The following SDK1 variants were observed in gnomAD, a reference collection of about 807,000 sequenced individuals.
SDK1 encodes the protein sidekick cell adhesion molecule 1, also known as protein sidekick-1.
Under a neutral mutation model 245.5 loss-of-function variants are expected in SDK1, and 157 were observed. The ratio of observed to expected loss-of-function variants is 0.64; its 90% CI spans 0.56 to 0.73. The LOEUF (loss-of-function observed/expected upper bound fraction) is 0.73. Among genes scored for constraint, SDK1 ranks in the 30% least tolerant of loss-of-function variants. SDK1 has a pLI of 0.00. For missense variants in SDK1, 3,583 were observed against 3,002.3 expected, an observed-to-expected ratio of 1.19 and a Z score of -4.52; for synonymous variants, 1,647 against 1,278.5, an observed-to-expected ratio of 1.29 and a Z score of -6.15.
At chr7:4,046,087 C>A (rs1250379719) in intron 17 of SDK1, among the ~76,000 whole-genome samples, 1 of 150,976 alleles carries the variant, frequency 6.6e-6, no homozygotes, top group East Asian at 1.9e-4. Context: ...CACTACCACA[C>A]CCAGCTGATT....
At chr7:3,937,681 G>T (rs1050808698) in intron 5 of SDK1, among the ~76,000 whole-genome samples, 1 of 152,184 alleles carries the variant, frequency 6.6e-6, no homozygotes, top group South Asian at 2.1e-4. Context: ...AGCTCCTGCA[G>T]TTTGGGTCGA....
chr7:3,494,141 C>T (rs565798926), intron 1 of SDK1, among the ~76,000 whole-genome samples: 3 of 152,148 alleles, frequency 2.0e-5, no homozygotes, highest in Non-Finnish European at 2.9e-5. Flanking sequence ...TCCCTCCTCC[C>T]CACTGCCCCA....
intron 1 of SDK1, among the ~76,000 whole-genome samples, chr7:3,441,459 T>C (rs1176314932): frequency 2.0e-5 from 3 of 152,218 alleles, no homozygotes; most frequent in Non-Finnish European, 4.4e-5. Flanking sequence ...GCACCATTTG[T>C]TGAAAAGGCT....
intron 1 of SDK1, among the ~76,000 whole-genome samples, chr7:3,575,300 C>G (rs1295798441): frequency 6.6e-6 from 1 of 151,970 alleles, no homozygotes; most frequent in Non-Finnish European, 1.5e-5. Context: ...TCTCTGGTGT[C>G]TCTTCTTGTA....
intron 4 of SDK1, among the ~76,000 whole-genome samples, chr7:3,741,819 C>A (rs1779482836): frequency 6.6e-6 from 1 of 152,060 alleles, no homozygotes; most frequent in Non-Finnish European, 1.5e-5. Flanking sequence ...CACATTCACA[C>A]ACACACACAT....
In SDK1 at chr7:3,641,944, C is replaced by A. The variant is rs1415097763; in HGVS notation, c.566-14C>A. ...TGTTTTCTAGAACTTGAAAGCACTT[C>A]TTTTTCTCTGCAGATATGGGAAGTT... is the stretch of plus-strand genomic sequence containing the variant. On this transcript the variant is annotated splice_polypyrimidine_tract_variant and intron_variant, in intron 3 of 44. Coordinates refer to ENST00000404826, the MANE Select transcript of SDK1 (RefSeq NM_152744.4). 4.4e-6 allele frequency: 7 copies of A among 1,607,040 alleles called. No individual in the cohort carries two copies. Among genetic ancestry groups the A allele is most frequent in the Non-Finnish European group, 5.9e-6 (7 of 1,176,980 alleles).
chr7:3,935,245 C>A (rs1283339428), intron 5 of SDK1, among the ~76,000 whole-genome samples: 1 of 152,162 alleles, frequency 6.6e-6, no homozygotes, highest in Non-Finnish European at 1.5e-5. Flanking sequence ...ACACCTGACA[C>A]CGTGTACAAA....
intron 28 of SDK1, among the ~76,000 whole-genome samples, chr7:4,145,412 G>A (rs1045986351): frequency 6.6e-6 from 1 of 152,182 alleles, no homozygotes; most frequent in African/African-American, 2.4e-5. Context: ...CAGCCCTCTG[G>A]GGAGCAGGGA....
At chr7:4,259,883 T>C (rs12701516) in intron 44 of SDK1, among the ~76,000 whole-genome samples, 45 of 152,086 alleles carry the variant, frequency 3.0e-4, no homozygotes, top group African/African-American at 1.0e-3. Context: ...GGAGCTCAGG[T>C]GCAGGCTCCC....
At chr7:3,765,675 T>C (rs760594919) in intron 4 of SDK1, among the ~76,000 whole-genome samples, 11 of 152,210 alleles carry the variant, frequency 7.2e-5, no homozygotes, top group Non-Finnish European at 1.5e-4. Flanking sequence ...ATGCTTTCAG[T>C]GTAGTCAGCC....
chr7:3,729,471 A>G (rs568037241), intron 4 of SDK1, among the ~76,000 whole-genome samples: 2 of 152,298 alleles, frequency 1.3e-5, no homozygotes, highest in Admixed American at 1.3e-4. Context: ...CACATTTGCC[A>G]TCTTGTGAGT....
At chr7:4,192,405 A>G (rs2128222912) in intron 35 of SDK1, among the ~76,000 whole-genome samples, 1 of 152,210 alleles carries the variant, frequency 6.6e-6, no homozygotes, top group East Asian at 1.9e-4. Flanking sequence ...CCTCCCAAGT[A>G]GCTGGGACTA....
intron 4 of SDK1, among the ~76,000 whole-genome samples, chr7:3,723,933 TATATATATATAGAGAGAG>T (rs1562397717): frequency 5.0e-5 from 6 of 119,820 alleles, no homozygotes; most frequent in African/African-American, 1.6e-4. Context: ...CGTATATATA[TATATATATATAGAGAGAG>T]AGAGAGAGAG....
At chr7:3,586,311 G>A (rs957213107) in intron 1 of SDK1, among the ~76,000 whole-genome samples, 1 of 152,086 alleles carries the variant, frequency 6.6e-6, no homozygotes, top group Non-Finnish European at 1.5e-5. Context: ...ATGAGTGGGA[G>A]GAAGTGCACC....
intron 4 of SDK1, among the ~76,000 whole-genome samples, chr7:3,661,484 A>T (rs373254822): frequency 1.3e-5 from 2 of 152,160 alleles, no homozygotes; most frequent in Non-Finnish European, 2.9e-5. Flanking sequence ...ATCACACGCT[A>T]TATGAATTTA....
intron 13 of SDK1, among the ~76,000 whole-genome samples, chr7:3,975,863 C>T (rs917768452): frequency 6.6e-6 from 1 of 152,160 alleles, no homozygotes; most frequent in African/African-American, 2.4e-5. Context: ...CAGCCGGCGG[C>T]AGTGGTGCGG....
intron 1 of SDK1, among the ~76,000 whole-genome samples, chr7:3,381,477 C>T (rs1054967105): frequency 1.3e-4 from 19 of 151,754 alleles, no homozygotes; most frequent in Non-Finnish European, 2.2e-4. Context: ...ATGCCAACTA[C>T]GCAGGACAGA....
intron 7 of SDK1, among the ~76,000 whole-genome samples, chr7:3,952,468 A>G (rs951222674): frequency 1.3e-5 from 2 of 152,174 alleles, no homozygotes; most frequent in South Asian, 2.1e-4. Flanking sequence ...CTATGATCCC[A>G]GCCACTCGGG....
intron 5 of SDK1, among the ~76,000 whole-genome samples, chr7:3,901,803 G>A (rs10479835): frequency 0.043 from 6,511 of 152,238 alleles, 478 homozygotes; most frequent in African/African-American, 0.15. Context: ...CTTCTGTAAG[G>A]AACTCCTTTT....
Sources: allele counts gnomAD v4.1 joint callset (sites outside exome capture counted in the v4.1 genomes callset), GRCh38; gene constraint gnomAD v4.1.1; transcripts MANE v1.5; gene names NCBI Gene and HGNC (gene_info 2026-07-23, HGNC 2026-07-21).